GATAD2A: variants seen among roughly 807,000 people sequenced by gnomAD.
GATAD2A encodes the protein transcriptional repressor p66-alpha.
In GATAD2A, 12 loss-of-function variants were observed where a neutral mutation model predicts 68.5. The observed-to-expected ratio is 0.18, with a 90% confidence interval of 0.11 to 0.28. GATAD2A has a LOEUF of 0.28. GATAD2A is among the 10% of genes least tolerant of loss of function. The probability of loss-of-function intolerance (pLI) is 1.00; values close to 1 mark genes in which losing one functional copy is unlikely to be tolerated. For synonymous variants in GATAD2A, 410 were observed against 375.3 expected (o/e 1.09, Z -1.07); for missense variants, 755 against 868.5 (o/e 0.87, Z 1.64).
intron 1 of GATAD2A, among the ~76,000 whole-genome samples, chr19:19,434,585 T>C (rs2054109918): frequency 6.6e-6 from 1 of 152,156 alleles, no homozygotes; most frequent in East Asian, 1.9e-4. Context: ...GTCCTGTGGG[T>C]GCAAAGAATG....
intron 1 of GATAD2A, among the ~76,000 whole-genome samples, chr19:19,427,099 G>T (rs1458440329): frequency 6.6e-6 from 1 of 151,766 alleles, no homozygotes; most frequent in Admixed American, 6.6e-5. Context: ...AATTCTTAAA[G>T]ACAGAAGGAA....
intron 1 of GATAD2A, among the ~76,000 whole-genome samples, chr19:19,428,403 A>ATAG (rs1307013971): frequency 1.3e-5 from 2 of 152,234 alleles, no homozygotes; most frequent in Non-Finnish European, 2.9e-5. Context: ...CATAATAATA[A>ATAG]AAGAAAGAAG....
chr19:19,425,246 C>T (rs2052938897), intron 1 of GATAD2A, among the ~76,000 whole-genome samples: 1 of 152,156 alleles, frequency 6.6e-6, no homozygotes, highest in South Asian at 2.1e-4. Context: ...ACAAGGCTGG[C>T]TGTCATTAGA....
chr19:19,447,139 G>A (rs2055817593), intron 1 of GATAD2A, among the ~76,000 whole-genome samples: 1 of 152,194 alleles, frequency 6.6e-6, no homozygotes, highest in Non-Finnish European at 1.5e-5. Flanking sequence ...AAGTGGTGAT[G>A]AGGCAGGAAA....
At chr19:19,465,726 G>A in intron 2 of GATAD2A, 112 bp downstream of exon 2, 1 of 1,283,800 alleles carries the variant, frequency 7.8e-7, no homozygotes, top group Non-Finnish European at 1.1e-6. Context: ...CGGGGTTGTG[G>A]AGAGGGCTGT....
At chr19:19,429,516 G>A (rs1431732502) in intron 1 of GATAD2A, among the ~76,000 whole-genome samples, 2 of 152,032 alleles carry the variant, frequency 1.3e-5, no homozygotes, top group African/African-American at 4.8e-5. Context: ...TCTGACGCTG[G>A]GTGGACCTGG....
chr19:19,465,087 CA>C, intron 1 of GATAD2A: 2 of 568,262 alleles, frequency 3.5e-6, no homozygotes, highest in Non-Finnish European at 6.3e-6. Flanking sequence ...CCCAACAGGG[CA>C]GGGTGTAGTT....
chr19:19,474,936 T>G (rs991604049), intron 2 of GATAD2A, among the ~76,000 whole-genome samples: 1 of 152,224 alleles, frequency 6.6e-6, no homozygotes, highest in Non-Finnish European at 1.5e-5. Flanking sequence ...CCCGTCACCC[T>G]TGTCCCTCTT....
chr19:19,482,412 A>G (rs564692503), intron 2 of GATAD2A, among the ~76,000 whole-genome samples: 1 of 152,294 alleles, frequency 6.6e-6, no homozygotes, highest in East Asian at 1.9e-4. Flanking sequence ...CTCCAAATAA[A>G]GATATTTGAT....
intron 2 of GATAD2A, among the ~76,000 whole-genome samples, chr19:19,471,424 CTTG>C (rs1387144413): frequency 1.3e-5 from 2 of 148,802 alleles, no homozygotes; most frequent in Non-Finnish European, 3.0e-5. Flanking sequence ...GCAGGGACTA[CTTG>C]TTGTATAGTT....
intron 1 of GATAD2A, among the ~76,000 whole-genome samples, chr19:19,432,608 C>T (rs991745823): frequency 1.3e-5 from 2 of 152,162 alleles, no homozygotes; most frequent in Non-Finnish European, 2.9e-5. Context: ...GGCTGACAGT[C>T]GTTTTTTAAA....
At chr19:19,462,014 C>T (rs1281178482) in intron 1 of GATAD2A, among the ~76,000 whole-genome samples, 5 of 152,344 alleles carry the variant, frequency 3.3e-5, no homozygotes, top group Admixed American at 2.0e-4. Flanking sequence ...GCTGCCTTCC[C>T]CTCACTCTCC....
chr19:19,471,390 C>G (rs955164760), intron 2 of GATAD2A, among the ~76,000 whole-genome samples: 8 of 152,046 alleles, frequency 5.3e-5, no homozygotes, highest in Non-Finnish European at 1.2e-4. Flanking sequence ...TCAGACTTGC[C>G]ACGCTAAGGA....
At chr19:19,437,244 C>A (rs2054473595) in intron 1 of GATAD2A, among the ~76,000 whole-genome samples, 1 of 152,162 alleles carries the variant, frequency 6.6e-6, no homozygotes, top group Admixed American at 6.5e-5. Context: ...ATCCTCCCCG[C>A]CTCAGGCTCC....
chr19:19,435,236 T>G (rs1200612696), intron 1 of GATAD2A: 3 of 459,878 alleles, frequency 6.5e-6, no homozygotes, highest in Non-Finnish European at 1.4e-5. Flanking sequence ...CTGGGTTGTT[T>G]TTTGAGACAG....
At chr19:19,505,277 G>A in intron 11 of GATAD2A, 67 bp from the exon 12 acceptor site, 1 of 1,532,078 alleles carries the variant, frequency 6.5e-7, no homozygotes, top group South Asian at 1.1e-5. Flanking sequence ...AGGCAGCTAT[G>A]GCTGGGCTCC....
chr19:19,419,510 CTTTTT>C (rs57019208), intron 1 of GATAD2A, among the ~76,000 whole-genome samples: 1 of 110,608 alleles, frequency 9.0e-6, no homozygotes, highest in Non-Finnish European at 1.8e-5. Context: ...ATCTCTACAT[CTTTTT>C]TTTTTTTTTT....
intron 1 of GATAD2A, among the ~76,000 whole-genome samples, chr19:19,461,040 G>A (rs754123967): frequency 6.6e-6 from 1 of 152,186 alleles, no homozygotes; most frequent in Non-Finnish European, 1.5e-5. Context: ...CCAGCATGGG[G>A]GTGGATGGTG....
At chr19:19,391,001 T>C (rs890885662) in intron 1 of GATAD2A, among the ~76,000 whole-genome samples, 1 of 152,106 alleles carries the variant, frequency 6.6e-6, no homozygotes, top group Non-Finnish European at 1.5e-5. Flanking sequence ...GCTGTGGAGA[T>C]GCTAACTCAG....
Sources: allele counts gnomAD v4.1 joint callset (sites outside exome capture counted in the v4.1 genomes callset), GRCh38; gene constraint gnomAD v4.1.1; transcripts MANE v1.5; gene names NCBI Gene and HGNC (gene_info 2026-07-23, HGNC 2026-07-21).